LAMC1: variants seen among roughly 807,000 people sequenced by gnomAD.
LAMC1 encodes laminin subunit gamma 1, also known as laminin subunit gamma-1.
Under a neutral mutation model 173.6 loss-of-function variants are expected in LAMC1, and 38 were observed. The ratio of observed to expected loss-of-function variants is 0.22; its 90% CI spans 0.17 to 0.29. LAMC1 has a LOEUF of 0.29. LAMC1 is among the 10% of genes least tolerant of loss of function. The pLI is 1.00. For missense variants in LAMC1, 1,824 were observed against 2,051.8 expected, an observed-to-expected ratio of 0.89 and a Z score of 2.14; for synonymous variants, 746 against 749.1, an observed-to-expected ratio of 1.00 and a Z score of 0.07.
In LAMC1 at chr1:183,130,271, G is replaced by A. The variant is rs540461825; in HGVS notation, c.3281-73G>A. 2.3e-6 allele frequency: 3 copies of A among 1,290,314 alleles called. No homozygotes were observed. The African/African-American group carries it at 4.4e-5, about 19-fold the overall frequency. 79.9% of individuals were successfully genotyped at this position (1,290,314 alleles called of 1,614,324 possible). On this transcript the variant is annotated intron_variant, in intron 18 of 27. Transcript: ENST00000258341. ...GTTTAGAAGAGTAGAGATACATAGG[G>A]CCTCAGATTTCATGTGAGATGATAT...
In LAMC1 at chr1:183,132,313, T is replaced by G. The variant is rs55773288; in HGVS notation, c.3567-87T>G. On this transcript the variant is annotated intron_variant, in intron 20 of 27. Coordinates refer to ENST00000258341, the MANE Select transcript of LAMC1 (RefSeq NM_002293.4). ...TTTCAAATAATAATAATAATAATAATAATAATAAAGTAAGCATTACCTGAA... is the reference window on the plus strand; with the variant it reads ...TTTCAAATAATAATAATAATAATAAGAATAATAAAGTAAGCATTACCTGAA... 9.3e-5 allele frequency: 75 copies of G among 803,112 alleles called. 2 individuals carry two copies. The highest frequency in any genetic ancestry group is 1.2e-4 in the Non-Finnish European group (64 of 528,166). The allele number at this position is 803,112 out of a possible 1,614,324, so 49.7% of individuals were successfully genotyped here.
At chr1:183,055,282 G>A (rs965858116) in intron 1 of LAMC1, among the ~76,000 whole-genome samples, 1 of 151,594 alleles carries the variant, frequency 6.6e-6, no homozygotes, top group Admixed American at 6.6e-5. Flanking sequence ...GAGCCACCGC[G>A]CCCGGACACA....
At chr1:183,126,762 C>T (rs777497969) in intron 16 of LAMC1, among the ~76,000 whole-genome samples, 54 of 152,332 alleles carry the variant, frequency 3.5e-4, no homozygotes, top group Non-Finnish European at 6.8e-4. Flanking sequence ...CTTTTGCTTT[C>T]TGAATTCCTT....
At chr1:183,080,830 T>C (rs1392711181) in intron 1 of LAMC1, among the ~76,000 whole-genome samples, 4 of 152,144 alleles carry the variant, frequency 2.6e-5, no homozygotes. Flanking sequence ...ACCTAACAGC[T>C]GGCCTTAGGA....
rs545702396 is a variant in LAMC1, at chr1:183,072,274, G to A, written c.419-31054G>A. On this transcript the variant is annotated intron_variant, in intron 1 of 27. Coordinates refer to ENST00000258341, the MANE Select transcript of LAMC1 (RefSeq NM_002293.4). ...TCTTGTTACAACACATTCCAAAGACGATGAGGCATGGGGACATTTAATTCA... is the reference window on the plus strand; with the variant it reads ...TCTTGTTACAACACATTCCAAAGACAATGAGGCATGGGGACATTTAATTCA... Among the ~76,000 whole-genome samples, 35 of 152,298 alleles carry A rather than the reference G, an allele frequency of 2.3e-4. No homozygotes were observed. The East Asian group carries it at 5.6e-3, about 24-fold the overall frequency.
intron 13 of LAMC1, among the ~76,000 whole-genome samples, chr1:183,122,603 C>G (rs1303016150): frequency 6.6e-6 from 1 of 152,162 alleles, no homozygotes; most frequent in Non-Finnish European, 1.5e-5. Flanking sequence ...GCCATTTCCA[C>G]TTGGATGGTG....
chr1:183,087,368 T>G (rs931836316), intron 1 of LAMC1, among the ~76,000 whole-genome samples: 3 of 152,128 alleles, frequency 2.0e-5, no homozygotes, highest in Admixed American at 6.5e-5. Flanking sequence ...AATAAAGAGA[T>G]AGCTGGGGAT....
At chr1:183,091,071 T>C (rs1490554863) in intron 1 of LAMC1, among the ~76,000 whole-genome samples, 2 of 152,226 alleles carry the variant, frequency 1.3e-5, no homozygotes, top group African/African-American at 4.8e-5. Context: ...GTATCAAATG[T>C]AATGGAATTA....
At chr1:183,125,250 A>G (rs1435635234) in intron 14 of LAMC1, 147 bp from the exon 15 acceptor site, 2 of 753,010 alleles carry the variant, frequency 2.7e-6, no homozygotes, top group Non-Finnish European at 2.2e-6. Context: ...CAGACTCACC[A>G]GCCACATTTA....
chr1:183,043,778 T>C (rs955958820), intron 1 of LAMC1, among the ~76,000 whole-genome samples: 1 of 152,212 alleles, frequency 6.6e-6, no homozygotes, highest in Non-Finnish European at 1.5e-5. Context: ...AAAAAGGTGT[T>C]GCCTTTTAAA....
At chr1:183,056,584 AC>A (rs1238775274) in intron 1 of LAMC1, among the ~76,000 whole-genome samples, 1 of 151,930 alleles carries the variant, frequency 6.6e-6, no homozygotes, top group Non-Finnish European at 1.5e-5. Context: ...CTCCAGTAAT[AC>A]CTGTTTGGCA....
intron 1 of LAMC1, among the ~76,000 whole-genome samples, chr1:183,100,619 AT>A (rs1655809198): frequency 6.6e-6 from 1 of 152,278 alleles, no homozygotes; most frequent in South Asian, 2.1e-4. Context: ...TCTAGGAAGC[AT>A]TTCTTGAACT....
At chr1:183,099,668 G>T (rs940713868) in intron 1 of LAMC1, among the ~76,000 whole-genome samples, 5 of 152,020 alleles carry the variant, frequency 3.3e-5, no homozygotes, top group African/African-American at 1.2e-4. Context: ...GCACCTCAGG[G>T]TGGTCTCAGA....
intron 11 of LAMC1, among the ~76,000 whole-genome samples, chr1:183,121,143 G>T (rs186293409): frequency 6.6e-6 from 1 of 152,270 alleles, no homozygotes; most frequent in Non-Finnish European, 1.5e-5. Flanking sequence ...TTTGGGCCGG[G>T]CATGGTGGCT....
chr1:183,115,052 G>A (rs897076649), intron 5 of LAMC1, among the ~76,000 whole-genome samples: 2 of 152,188 alleles, frequency 1.3e-5, no homozygotes, highest in African/African-American at 2.4e-5. Context: ...ATTTTGTTTA[G>A]TCTAATCTCC....
intron 1 of LAMC1, among the ~76,000 whole-genome samples, chr1:183,087,441 A>T (rs1655460121): frequency 1.3e-5 from 2 of 152,256 alleles, no homozygotes; most frequent in South Asian, 4.1e-4. Flanking sequence ...TGAATAAAAC[A>T]TGCAGAAAAT....
chr1:183,128,555 G>A, intron 17 of LAMC1, 39 bp from the exon 18 acceptor site: 1 of 1,568,018 alleles, frequency 6.4e-7, no homozygotes, highest in Non-Finnish European at 8.7e-7. Flanking sequence ...GAATACTTGT[G>A]TGTCCTACCT....
At chr1:183,032,724 T>TA (rs1653878082) in intron 1 of LAMC1, among the ~76,000 whole-genome samples, 2 of 152,108 alleles carry the variant, frequency 1.3e-5, no homozygotes, top group Admixed American at 1.3e-4. Context: ...TACGTGGCCT[T>TA]ATATAGAGTT....
intron 1 of LAMC1, among the ~76,000 whole-genome samples, chr1:183,037,746 T>G (rs1654020651): frequency 6.6e-6 from 1 of 152,172 alleles, no homozygotes; most frequent in African/African-American, 2.4e-5. Context: ...ACCTTAATTT[T>G]TTTTGGCTTT....
Sources: allele counts gnomAD v4.1 joint callset (sites outside exome capture counted in the v4.1 genomes callset), GRCh38; gene constraint gnomAD v4.1.1; transcripts MANE v1.5; gene names NCBI Gene and HGNC (gene_info 2026-07-23, HGNC 2026-07-21).